The following AGPS variants were observed in gnomAD, a reference collection of about 807,000 sequenced individuals.
AGPS encodes the protein alkylglycerone phosphate synthase.
Under a neutral mutation model 90.7 loss-of-function variants are expected in AGPS, and 26 were observed. The observed-to-expected ratio is 0.29, with a 90% CI of 0.21 to 0.40. The LOEUF is 0.40. AGPS is among the 10% of genes least tolerant of loss of function. The probability of loss-of-function intolerance (pLI) is 1.00; values close to 1 mark genes in which losing one functional copy is unlikely to be tolerated. For synonymous variants in AGPS, 294 were observed against 285.3 expected, an observed-to-expected ratio of 1.03 and a Z score of -0.31; for missense variants, 540 against 816.1, an observed-to-expected ratio of 0.66 and a Z score of 4.12.
intron 17 of AGPS, among the ~76,000 whole-genome samples, chr2:177,518,464 T>C (rs1024329570): frequency 1.3e-5 from 2 of 152,008 alleles, no homozygotes; most frequent in Non-Finnish European, 2.9e-5. Context: ...AAAAACCTTA[T>C]GGGGAGAAAC....
At chr2:177,495,429 A>C (rs1436110092) in intron 12 of AGPS, among the ~76,000 whole-genome samples, 1 of 152,312 alleles carries the variant, frequency 6.6e-6, no homozygotes, top group East Asian at 1.9e-4. Context: ...TGGTAGAGCT[A>C]GGGATGAACC....
intron 12 of AGPS, 140 bp downstream of exon 12, chr2:177,493,339 A>T: frequency 1.3e-6 from 1 of 782,456 alleles, no homozygotes; most frequent in Non-Finnish European, 2.2e-6. Flanking sequence ...GAAGATAGAC[A>T]ATTACATAAA....
chr2:177,453,783 G>A (rs1463912730), intron 8 of AGPS, among the ~76,000 whole-genome samples: 1 of 141,278 alleles, frequency 7.1e-6, no homozygotes, highest in Admixed American at 7.4e-5. Context: ...TGCCTCCCGG[G>A]TTCAAGTGAT....
Position 177,435,054 on chromosome 2 carries a change from C to T in AGPS, c.441+637C>T, listed in dbSNP as rs1328767083. 3.7e-5 allele frequency among the ~76,000 whole-genome samples: 5 copies of T among 136,476 alleles called. No homozygotes were observed. In the East Asian group the frequency reaches 1.1e-3, roughly 29 times the overall value. 89.5% of individuals were successfully genotyped at this position (136,476 alleles called of 152,430 possible). A position where few individuals can be genotyped will look rare whatever the true frequency, so the allele number is the denominator to read the frequency against. The stretch of plus-strand genomic sequence containing the variant: ...GAAACTAATGAAATATTTAGCGTTT[C>T]TTTTTATTATTTTTGTTGTGTTTTT... On this transcript the variant is annotated intron_variant, in intron 3 of 19. Coordinates refer to ENST00000264167, the MANE Select transcript of AGPS (RefSeq NM_003659.4).
intron 16 of AGPS, 24 bp downstream of exon 16, chr2:177,508,055 T>C (rs542810236): frequency 1.7e-5 from 26 of 1,552,936 alleles, no homozygotes; most frequent in African/African-American, 4.1e-5. Context: ...AAGTGCCTGA[T>C]ATTATTCAAA....
At chr2:177,420,179 A>T in intron 1 of AGPS, 90 bp from the exon 2 acceptor site, 2 of 836,194 alleles carry the variant, frequency 2.4e-6, no homozygotes, top group Non-Finnish European at 4.0e-6. Flanking sequence ...AAGGTATTTT[A>T]GATGATTGTG....
intron 16 of AGPS, among the ~76,000 whole-genome samples, chr2:177,508,989 C>T (rs998285297): frequency 2.0e-5 from 3 of 152,060 alleles, no homozygotes; most frequent in Non-Finnish European, 4.4e-5. Flanking sequence ...TTTTACTTTT[C>T]TTTATAAAAT....
chr2:177,491,769 C>G lies in AGPS; in HGVS notation c.1234-1379C>G, dbSNP rs920060680. ...TGTAATATACTTTCCTTCCCCCCCC[C>G]CCCCTTTTTTTTCATTTTGTTTTGT... On this transcript the variant is annotated intron_variant, in intron 11 of 19. Coordinates refer to ENST00000264167, the MANE Select transcript of AGPS (RefSeq NM_003659.4). Among the ~76,000 whole-genome samples, 28 of 120,912 alleles carry G rather than the reference C, an allele frequency of 2.3e-4. 1 individual carries two copies. The highest frequency in any genetic ancestry group is 1.4e-3 in the Admixed American group (18 of 12,420). 79.3% of individuals were successfully genotyped at this position (120,912 alleles called of 152,430 possible).
At chr2:177,531,993 G>A (rs911965358) in intron 19 of AGPS, among the ~76,000 whole-genome samples, 2 of 151,960 alleles carry the variant, frequency 1.3e-5, no homozygotes, top group African/African-American at 4.8e-5. Flanking sequence ...AATGAATAAT[G>A]AACTTAAAAG....
chr2:177,424,797 C>T (rs1686032206), intron 2 of AGPS, among the ~76,000 whole-genome samples: 1 of 152,168 alleles, frequency 6.6e-6, no homozygotes, highest in South Asian at 2.1e-4. Context: ...GGTGGTATCT[C>T]ATTGTGGTTT....
rs549570112 is a variant in AGPS, at chr2:177,402,784, C to T, written c.260+9735C>T. On this transcript the variant is annotated intron_variant, in intron 1 of 19. Coordinates refer to ENST00000264167, the MANE Select transcript of AGPS (RefSeq NM_003659.4). ...TGAAACTTCGTCTACTGGCTGGCCG[C>T]GGTGGCTCACGCCTGTAATCCCAGC... Among the ~76,000 whole-genome samples, 110 of 152,306 alleles carry T rather than the reference C, an allele frequency of 7.2e-4. No homozygotes were observed. In the Middle Eastern group the frequency reaches 0.01, roughly 14 times the overall value.
rs546413472 is a variant in AGPS at position 177,478,649 on chromosome 2, A to G, written c.1106-3410A>G. Reference sequence around the variant, plus strand: ...CCCTTGTAGTGAATTGTTCATTTCAATTATTTTGCTTTTCAACTCCAGAAT... The same window carrying G: ...CCCTTGTAGTGAATTGTTCATTTCAGTTATTTTGCTTTTCAACTCCAGAAT... On this transcript the variant is annotated intron_variant, in intron 10 of 19. Coordinates refer to ENST00000264167, the MANE Select transcript of AGPS (RefSeq NM_003659.4). Among the ~76,000 whole-genome samples the G allele has an allele frequency of 2.6e-5, 4 of 152,134 alleles. No homozygotes were observed. The South Asian group carries it at 8.3e-4, about 32-fold the overall frequency.
chr2:177,426,028 A>G (rs1005618614), intron 2 of AGPS, among the ~76,000 whole-genome samples: 6 of 152,114 alleles, frequency 3.9e-5, no homozygotes, highest in Admixed American at 1.3e-4. Flanking sequence ...CCATGAGCAT[A>G]GAATGTTTTT....
rs1688231623 is a variant in AGPS at position 177,490,814 on chromosome 2, G to GT, written c.1234-2328dup. The stretch of plus-strand genomic sequence containing the variant: ...CTCTGTTTAACATGTACGTGTATAT[G>GT]TTTTTTGGACCATTTGAAATTAAGT... On this transcript the variant is annotated intron_variant, in intron 11 of 19. Transcript: ENST00000264167. 6.4e-5 allele frequency among the ~76,000 whole-genome samples: 5 copies of GT among 77,612 alleles called. No homozygotes were observed. The South Asian group carries it at 2.4e-3, about 37-fold the overall frequency. 50.9% of individuals were successfully genotyped at this position (77,612 alleles called of 152,430 possible).
rs988907348 is a variant in AGPS at position 177,513,998 on chromosome 2, A to G, written c.1697+90A>G. 4.1e-6 allele frequency: 4 copies of G among 978,632 alleles called. No homozygotes were observed. The African/African-American group carries it at 4.9e-5, about 12-fold the overall frequency. 60.6% of individuals were successfully genotyped at this position (978,632 alleles called of 1,614,324 possible). A position where few individuals can be genotyped will look rare whatever the true frequency, so the allele number is the denominator to read the frequency against. On this transcript the variant is annotated intron_variant, in intron 17 of 19. Transcript: ENST00000264167. The stretch of plus-strand genomic sequence containing the variant: ...GGGAATATAATTTTCCAGCTGAGAA[A>G]AAGCTTCAGTCTATTACATTTGGCC...
intron 15 of AGPS, 128 bp from the exon 16 acceptor site, chr2:177,507,842 A>T (rs1688758352): frequency 1.3e-6 from 1 of 744,880 alleles, no homozygotes; most frequent in Non-Finnish European, 2.4e-6. Context: ...TATGAGGTGG[A>T]TAGTAAAGAG....
chr2:177,447,972 T>C (rs1686826420), intron 8 of AGPS, among the ~76,000 whole-genome samples: 2 of 152,214 alleles, frequency 1.3e-5, no homozygotes, highest in Non-Finnish European at 2.9e-5. Flanking sequence ...TGATAAAATT[T>C]AATGGAAGCT....
chr2:177,393,487 G>T, intron 1 of AGPS: 1 of 985,398 alleles, frequency 1.0e-6, no homozygotes, highest in South Asian at 4.7e-5. Flanking sequence ...AGCCTGCTGT[G>T]GGGGAAACTG....
At chr2:177,495,071 A>G (rs1378530371) in intron 12 of AGPS, among the ~76,000 whole-genome samples, 2 of 152,206 alleles carry the variant, frequency 1.3e-5, no homozygotes, top group African/African-American at 4.8e-5. Flanking sequence ...CTCTTAATAC[A>G]TTATATTGAC....
Sources: allele counts gnomAD v4.1 joint callset (sites outside exome capture counted in the v4.1 genomes callset), GRCh38; gene constraint gnomAD v4.1.1; transcripts MANE v1.5; gene names NCBI Gene and HGNC (gene_info 2026-07-23, HGNC 2026-07-21).